AFF1: variants seen among roughly 807,000 people sequenced by gnomAD.
The protein encoded by AFF1 is AF4/FMR2 family member 1.
AFF1 carries 48 observed loss-of-function variants against 121.7 expected under a neutral mutation model. The observed-to-expected ratio is 0.39, with a 90% CI of 0.31 to 0.50. The LOEUF (loss-of-function observed/expected upper bound fraction) is 0.50. Ranked by LOEUF, AFF1 falls within the 20% of genes least tolerant of loss-of-function variation. The probability of loss-of-function intolerance (pLI) is 0.76; values close to 1 mark genes in which losing one functional copy is unlikely to be tolerated. For synonymous variants in AFF1, 613 were observed against 563.0 expected (o/e 1.09, Z -1.26); for missense variants, 1,523 against 1,511.7 (o/e 1.01, Z -0.12).
At position 87,060,835 on chromosome 4, in the gene AFF1, C is replaced by CAAAA. The variant is rs749186199; in HGVS notation, c.1059+13270_1059+13273dup. The stretch of plus-strand genomic sequence containing the variant: ...GCCTGGCGAGAGTGAGACTCTGTCT[C>CAAAA]AAAAAAAAAAAAAAAAAAAAAAAAA... On this transcript the variant is annotated intron_variant, in intron 4 of 20. Transcript: ENST00000395146. 5.4e-3 allele frequency among the ~76,000 whole-genome samples: 337 copies of CAAAA among 62,142 alleles called. 23 individuals carry two copies. The highest frequency in any genetic ancestry group is 8.2e-3 in the Non-Finnish European group (256 of 31,234). The allele number at this position is 62,142 out of a possible 152,430, so 40.8% of individuals were successfully genotyped here.
chr4:87,102,729 G>A (rs1194572142), intron 8 of AFF1, among the ~76,000 whole-genome samples: 5 of 152,276 alleles, frequency 3.3e-5, no homozygotes, highest in African/African-American at 9.6e-5. Context: ...TTATAGGTGA[G>A]AAAGAAGAAG....
chr4:87,064,074 G>C (rs1018956925), intron 4 of AFF1, among the ~76,000 whole-genome samples: 2 of 152,218 alleles, frequency 1.3e-5, no homozygotes, highest in African/African-American at 4.8e-5. Context: ...CTGAATACTT[G>C]CTGTAGTTTC....
chr4:87,062,021 T>G (rs1720838978), intron 4 of AFF1, among the ~76,000 whole-genome samples: 1 of 152,218 alleles, frequency 6.6e-6, no homozygotes, highest in Non-Finnish European at 1.5e-5. Context: ...CTAACAAGGT[T>G]AGTCTAATTA....
chr4:86,938,962 A>G (rs1720252318), intron 1 of AFF1, among the ~76,000 whole-genome samples: 4 of 152,214 alleles, frequency 2.6e-5, no homozygotes, highest in South Asian at 2.1e-4. Flanking sequence ...ACTTTTTCCT[A>G]TTAAAAGACT....
Position 87,138,595 on chromosome 4 carries a change from T to C in AFF1, c.*2894T>C, listed in dbSNP as rs1255247360. 2 of 232,038 alleles carry C rather than the reference T, an allele frequency of 8.6e-6. No homozygotes were observed. Among genetic ancestry groups the C allele is most frequent in the African/African-American group, 2.2e-5 (1 of 45,236 alleles). The allele number at this position is 232,038 out of a possible 1,614,324, so 14.4% of individuals were successfully genotyped here. A position where few individuals can be genotyped will look rare whatever the true frequency, so the allele number is the denominator to read the frequency against. On this transcript the variant is annotated 3_prime_UTR_variant, in exon 21 of 21. Coordinates refer to ENST00000395146, the MANE Select transcript of AFF1 (RefSeq NM_001166693.3). ...ATGTTTCTGTCCTTTCTGTGAATTA[T>C]TGAATTTAAGAGCCCTGCTAAATAA...
intron 2 of AFF1, among the ~76,000 whole-genome samples, chr4:87,001,026 C>T (rs1233506674): frequency 6.6e-6 from 1 of 151,988 alleles, no homozygotes. Flanking sequence ...AGGCACCTTG[C>T]CGCAGGCTTG....
At chr4:86,974,768 A>G (rs887067029) in intron 2 of AFF1, among the ~76,000 whole-genome samples, 2 of 152,242 alleles carry the variant, frequency 1.3e-5, no homozygotes, top group African/African-American at 4.8e-5. Flanking sequence ...TGTTTTGCTC[A>G]CGTTAAGTTA....
intron 11 of AFF1, among the ~76,000 whole-genome samples, chr4:87,112,111 A>G (rs2149761065): frequency 6.6e-6 from 1 of 152,312 alleles, no homozygotes; most frequent in South Asian, 2.1e-4. Context: ...TTTGTGCCTG[A>G]TGTGATTGGC....
intron 12 of AFF1, among the ~76,000 whole-genome samples, chr4:87,122,881 T>TTAAA (rs1381944812): frequency 2.1e-4 from 20 of 96,646 alleles, no homozygotes; most frequent in African/African-American, 8.0e-4. Flanking sequence ...GGAAAATTAG[T>TTAAA]AAAAAAAAAA....
At chr4:87,086,312 C>G (rs1723729450) in intron 5 of AFF1, among the ~76,000 whole-genome samples, 1 of 152,094 alleles carries the variant, frequency 6.6e-6, no homozygotes, top group African/African-American at 2.4e-5. Context: ...AGATGCTCCT[C>G]TTAGGTTTCG....
chr4:87,047,829 A>G lies in AFF1; in HGVS notation c.1059+235A>G, dbSNP rs1405045675. 4.7e-6 allele frequency: 3 copies of G among 633,460 alleles called. No homozygotes were observed. The African/African-American group carries it at 5.4e-5, about 11-fold the overall frequency. The allele number at this position is 633,460 out of a possible 1,614,324, so 39.2% of individuals were successfully genotyped here. A position where few individuals can be genotyped will look rare whatever the true frequency, so the allele number is the denominator to read the frequency against. On this transcript the variant is annotated intron_variant, in intron 4 of 20. Coordinates refer to ENST00000395146, the MANE Select transcript of AFF1 (RefSeq NM_001166693.3). ...AAAGGTTTAGAGAACCTTTTTATGG[A>G]GCCAAAATTTATATACAGTAAAACA...
chr4:87,015,601 C>T (rs1268642022), intron 2 of AFF1, among the ~76,000 whole-genome samples: 1 of 152,174 alleles, frequency 6.6e-6, no homozygotes, highest in Non-Finnish European at 1.5e-5. Flanking sequence ...AATTCTGTCA[C>T]TGCTGATGGT....
At position 87,114,935 on chromosome 4, in the gene AFF1, A is replaced by G; in HGVS notation, c.2102A>G (p.Glu701Gly). The change falls in exon 12 of 21, where the codon GAG (glutamate) becomes GGG (glycine). Residue 701 changes from glutamate to glycine, a missense_variant. Glu to Gly is a moderately conservative substitution (Grantham distance 98). Transcript: ENST00000395146. ...CCAGAACCCGCGAAGGACAATGTGG[A>G]GGACAGGACCCCTGAGCACTTTGCT... ...SGPEPAKDNV[E>G]DRTPEHFALV... is the part of the protein sequence containing the mutation. 6.2e-7 allele frequency: 1 copy of G among 1,612,448 alleles called. No individual in the cohort carries two copies. The highest frequency in any genetic ancestry group is 8.5e-7 in the Non-Finnish European group (1 of 1,179,268).
intron 4 of AFF1, among the ~76,000 whole-genome samples, chr4:87,054,529 A>G (rs945138621): frequency 2.0e-5 from 3 of 152,190 alleles, no homozygotes; most frequent in Non-Finnish European, 4.4e-5. Context: ...GTTTTCTAAA[A>G]ATGTTTTATT....
intron 2 of AFF1, among the ~76,000 whole-genome samples, chr4:87,008,336 A>G (rs1726382958): frequency 2.0e-5 from 3 of 152,228 alleles, no homozygotes; most frequent in Admixed American, 6.5e-5. Flanking sequence ...GACTCAGATC[A>G]TGGAGAGAAA....
At position 87,091,735 on chromosome 4, in the gene AFF1, T is replaced by A. The variant is rs114425081; in HGVS notation, c.1192-58T>A. 5,013 of 1,176,220 alleles carry A rather than the reference T, an allele frequency of 4.3e-3. 171 individuals carry two copies. The African/African-American group carries it at 0.071, about 17-fold the overall frequency. The allele number at this position is 1,176,220 out of a possible 1,614,324, so 72.9% of individuals were successfully genotyped here. ...TAATACTAAAAGCTCAACGGTTTTC[T>A]CTTTAACTTTATAAGCCTTAATCTT... On this transcript the variant is annotated intron_variant, in intron 6 of 20. Transcript: ENST00000395146.
intron 2 of AFF1, among the ~76,000 whole-genome samples, chr4:87,006,827 G>A (rs1226349606): frequency 6.6e-6 from 1 of 152,186 alleles, no homozygotes; most frequent in East Asian, 1.9e-4. Context: ...GCTTGTCGGC[G>A]CCCAGGCTCT....
At chr4:87,081,828 C>A (rs974135422) in intron 4 of AFF1, among the ~76,000 whole-genome samples, 2 of 152,146 alleles carry the variant, frequency 1.3e-5, no homozygotes, top group African/African-American at 4.8e-5. Flanking sequence ...CTATTAGTAT[C>A]TGGATAAGGT....
rs1366766574 is a variant in AFF1, at chr4:87,138,684, A to T, written c.*2983A>T. ...GGTTCGGATTGTGAAAACATTGGCC[A>T]CCTAGTAGCAGTGGTGAGGAGTGGG... is the stretch of plus-strand genomic sequence containing the variant. On this transcript the variant is annotated 3_prime_UTR_variant, in exon 21 of 21. Transcript: ENST00000395146. 4.3e-6 allele frequency: 1 copy of T among 231,460 alleles called. No individual in the cohort carries two copies. The highest frequency in any genetic ancestry group is 8.5e-6 in the Non-Finnish European group (1 of 117,044). 14.3% of individuals were successfully genotyped at this position (231,460 alleles called of 1,614,324 possible).
Sources: allele counts gnomAD v4.1 joint callset (sites outside exome capture counted in the v4.1 genomes callset), GRCh38; gene constraint gnomAD v4.1.1; transcripts MANE v1.5; gene names NCBI Gene and HGNC (gene_info 2026-07-23, HGNC 2026-07-21).